Variants in SOX5 observed in about 807,000 individuals in gnomAD.
SOX5 encodes transcription factor SOX-5.
In SOX5, 9 loss-of-function variants were observed where a neutral mutation model predicts 92.0. The ratio of observed to expected loss-of-function variants is 0.10; its 90% CI spans 0.06 to 0.17. The LOEUF (loss-of-function observed/expected upper bound fraction) is 0.17. Among genes scored for constraint, SOX5 ranks in the 10% least tolerant of loss-of-function variants. SOX5 has a pLI of 1.00. For synonymous variants in SOX5, 344 were observed against 336.3 expected, an observed-to-expected ratio of 1.02 and a Z score of -0.25; for missense variants, 642 against 944.5, an observed-to-expected ratio of 0.68 and a Z score of 4.20.
intron 4 of SOX5, among the ~76,000 whole-genome samples, chr12:23,959,367 A>G (rs11047172): frequency 0.43 from 64,979 of 151,842 alleles, 15,120 homozygotes; most frequent in Non-Finnish European, 0.54. Flanking sequence ...AGAATTTAGT[A>G]TACACTGTTA....
At chr12:24,251,010 T>C (rs981334477) in intron 3 of SOX5, among the ~76,000 whole-genome samples, 1 of 152,250 alleles carries the variant, frequency 6.6e-6, no homozygotes, top group South Asian at 2.1e-4. Context: ...ATCTGAGTTT[T>C]ATAGTAAAGA....
chr12:23,604,454 C>A lies in SOX5; in HGVS notation c.1097G>T (p.Gly366Val). 6.2e-7 allele frequency: 1 copy of A among 1,613,818 alleles called. No individual in the cohort carries two copies. The highest frequency in any genetic ancestry group is 1.1e-5 in the South Asian group (1 of 91,072). The change falls in exon 9 of 15, where the codon GGT (glycine) becomes GTT (valine). Residue 366 changes from glycine (G) to valine (V), a missense_variant. By Grantham distance (109) the Gly-to-Val change is moderately radical. This residue lies in a region of SOX5 where 324 missense variants were observed against 461.6 expected (regional missense o/e 0.70). Transcript: ENST00000451604. Reference sequence around the variant, plus strand: ...AATGCTGGTAGGAGATACAGCAGCACCAAGGTTGCCTTGGGGTATGCCTGG... The same window carrying A: ...AATGCTGGTAGGAGATACAGCAGCAACAAGGTTGCCTTGGGGTATGCCTGG... Reference protein sequence around the residue: ...KLPGIPQGNLGAAVSPTSIHT... With the variant: ...KLPGIPQGNLVAAVSPTSIHT...
chr12:24,130,832 T>C (rs895223666), intron 4 of SOX5, among the ~76,000 whole-genome samples: 3 of 152,162 alleles, frequency 2.0e-5, no homozygotes, highest in Non-Finnish European at 4.4e-5. Context: ...TTAAGCTAGC[T>C]TGGATAACTC....
chr12:24,124,432 C>T (rs181551323), intron 4 of SOX5, among the ~76,000 whole-genome samples: 130 of 152,218 alleles, frequency 8.5e-4, no homozygotes, highest in African/African-American at 3.0e-3. Flanking sequence ...AAGTCAAATG[C>T]TTGGGACACT....
intron 3 of SOX5, among the ~76,000 whole-genome samples, chr12:24,265,424 G>T (rs781646730): frequency 1.3e-5 from 2 of 152,120 alleles, no homozygotes; most frequent in Non-Finnish European, 2.9e-5. Context: ...TGTGCCTTCA[G>T]TCTTAGCTAT....
At chr12:23,771,997 C>A (rs1177056202) in intron 3 of SOX5, among the ~76,000 whole-genome samples, 1 of 152,118 alleles carries the variant, frequency 6.6e-6, no homozygotes, top group East Asian at 1.9e-4. Context: ...CTTCCTCTGC[C>A]AAAATGGACG....
chr12:24,002,806 C>G (rs1443032160), intron 4 of SOX5, among the ~76,000 whole-genome samples: 1 of 151,966 alleles, frequency 6.6e-6, no homozygotes, highest in African/African-American at 2.4e-5. Flanking sequence ...GACTAAGGAT[C>G]AATTAACAAT....
At chr12:24,446,112 C>T (rs1307776615) in intron 1 of SOX5, among the ~76,000 whole-genome samples, 1 of 152,102 alleles carries the variant, frequency 6.6e-6, no homozygotes, top group East Asian at 1.9e-4. Context: ...CTGCTTTAGG[C>T]ACTGAAGACA....
chr12:23,923,509 A>G (rs1939066597), intron 1 of SOX5, among the ~76,000 whole-genome samples: 1 of 152,212 alleles, frequency 6.6e-6, no homozygotes, highest in Admixed American at 6.5e-5. Context: ...TGTCAAAAAT[A>G]TACCTAGCAC....
intron 4 of SOX5, among the ~76,000 whole-genome samples, chr12:23,746,776 T>C (rs983604208): frequency 5.3e-5 from 8 of 152,058 alleles, no homozygotes; most frequent in African/African-American, 1.9e-4. Flanking sequence ...TTTGGCTGTG[T>C]CCCCACCCAA....
chr12:23,965,961 C>T (rs1168887538), intron 4 of SOX5, among the ~76,000 whole-genome samples: 2 of 152,026 alleles, frequency 1.3e-5, no homozygotes, highest in South Asian at 2.1e-4. Context: ...TACCTTGAGA[C>T]TGATTGTCCA....
intron 2 of SOX5, among the ~76,000 whole-genome samples, chr12:24,338,330 A>C (rs534105716): frequency 6.6e-6 from 1 of 152,354 alleles, no homozygotes; most frequent in Non-Finnish European, 1.5e-5. Context: ...AAATGCTAAA[A>C]GGCTGAGATA....
At chr12:24,101,196 C>T (rs556188694) in intron 4 of SOX5, among the ~76,000 whole-genome samples, 5 of 152,208 alleles carry the variant, frequency 3.3e-5, no homozygotes, top group African/African-American at 1.2e-4. Context: ...TTCCTGCCTC[C>T]ATCTCCAATT....
chr12:23,893,127 T>C (rs931575077), intron 2 of SOX5, among the ~76,000 whole-genome samples: 1 of 152,204 alleles, frequency 6.6e-6, no homozygotes, highest in African/African-American at 2.4e-5. Flanking sequence ...CATCGTTTTT[T>C]AGTTAGACTG....
At position 24,356,096 on chromosome 12, in the gene SOX5, T is replaced by A. The variant is rs188670477; in HGVS notation, c.-174+12467A>T. On this transcript the variant is annotated intron_variant, in intron 2 of 4. Coordinates refer to the SOX5 transcript ENST00000446891. ...TAAACAGCATTAATATCAGATTTTC[T>A]GCAGAATATAAACAAGATAGCAAAC... is the stretch of plus-strand genomic sequence containing the variant. 9.2e-5 allele frequency among the ~76,000 whole-genome samples: 14 copies of A among 152,342 alleles called. No individual in the cohort carries two copies. The East Asian group carries it at 2.3e-3, about 25-fold the overall frequency.
At chr12:23,949,004 A>G (rs1180082372) in intron 1 of SOX5, among the ~76,000 whole-genome samples, 1 of 152,146 alleles carries the variant, frequency 6.6e-6, no homozygotes, top group African/African-American at 2.4e-5. Flanking sequence ...GTAATCTAAT[A>G]TAGCGATGAT....
At chr12:23,701,753 T>A (rs574798554) in intron 6 of SOX5, among the ~76,000 whole-genome samples, 27 of 152,162 alleles carry the variant, frequency 1.8e-4, no homozygotes, top group African/African-American at 5.8e-4. Context: ...TCCCTCAACA[T>A]CCTGGTAGTT....
intron 6 of SOX5, among the ~76,000 whole-genome samples, chr12:23,688,823 G>A (rs1233676316): frequency 6.6e-6 from 1 of 152,032 alleles, no homozygotes; most frequent in African/African-American, 2.4e-5. Flanking sequence ...TCTTTCTTGT[G>A]TGCAGTATTA....
At chr12:24,172,955 G>T (rs1248520453) in intron 4 of SOX5, among the ~76,000 whole-genome samples, 1 of 152,092 alleles carries the variant, frequency 6.6e-6, no homozygotes, top group Non-Finnish European at 1.5e-5. Flanking sequence ...CATAAATTAG[G>T]TGCTTCTGGT....
Sources: gnomAD v4.1 joint callset for allele counts (sites outside exome capture counted in the v4.1 genomes callset) on GRCh38, gnomAD v4.1.1 for gene constraint, gnomAD v4.1.1 regional missense constraint, MANE v1.5 for transcripts, NCBI Gene and HGNC (gene_info 2026-07-23, HGNC 2026-07-21) for gene names.